The following TRIM2 variants were observed in gnomAD, a reference collection of about 807,000 sequenced individuals.
TRIM2 encodes tripartite motif-containing protein 2.
TRIM2 carries 20 observed loss-of-function variants against 75.2 expected under a neutral mutation model. The ratio of observed to expected loss-of-function variants is 0.27; its 90% CI spans 0.19 to 0.39. The LOEUF is 0.39. Among genes scored for constraint, TRIM2 ranks in the 10% least tolerant of loss-of-function variants. TRIM2 has a pLI of 1.00. For synonymous variants in TRIM2, 373 were observed against 388.3 expected (o/e 0.96, Z 0.46); for missense variants, 660 against 990.8 (o/e 0.67, Z 4.48).
At chr4:153,210,669 G>C (rs1267636010) in intron 1 of TRIM2, among the ~76,000 whole-genome samples, 1 of 152,126 alleles carries the variant, frequency 6.6e-6, no homozygotes, top group Non-Finnish European at 1.5e-5. Context: ...CATTTTTAAC[G>C]AAACAGCAGC....
At chr4:153,164,631 C>T (rs905114286) in intron 1 of TRIM2, among the ~76,000 whole-genome samples, 6 of 152,186 alleles carry the variant, frequency 3.9e-5, no homozygotes, top group Admixed American at 1.3e-4. Context: ...GGCAGGCAAC[C>T]AGTATTACCA....
chr4:153,251,789 G>A (rs532554200), intron 1 of TRIM2, among the ~76,000 whole-genome samples: 5 of 152,010 alleles, frequency 3.3e-5, no homozygotes, highest in African/African-American at 1.2e-4. Flanking sequence ...GACCAGCCTG[G>A]GCAGCATGGC....
intron 1 of TRIM2, among the ~76,000 whole-genome samples, chr4:153,224,821 G>A (rs1201412141): frequency 6.6e-6 from 1 of 152,200 alleles, no homozygotes; most frequent in African/African-American, 2.4e-5. Context: ...CAAATGGAAG[G>A]AAGTTGTTAT....
intron 7 of TRIM2, 37 bp downstream of exon 7, chr4:153,315,625 T>C (rs925569030): frequency 9.3e-6 from 14 of 1,508,266 alleles, no homozygotes; most frequent in Admixed American, 2.0e-5. Flanking sequence ...ACTACTTATA[T>C]TGATAAAAAT....
intron 1 of TRIM2, among the ~76,000 whole-genome samples, chr4:153,230,792 T>C (rs1743410879): frequency 6.6e-6 from 1 of 152,218 alleles, no homozygotes; most frequent in Non-Finnish European, 1.5e-5. Flanking sequence ...GTGGCACAAA[T>C]CTAGAAGAAC....
rs1560902840 is a variant in TRIM2 at position 153,260,696 on chromosome 4, C to CA, written c.31-9639_31-9638insA. On this transcript the variant is annotated intron_variant, in intron 1 of 11. Coordinates refer to ENST00000338700, the MANE Select transcript of TRIM2 (RefSeq NM_015271.5). ...CACACCCACCCACACACCCACCCCCCCCCCCACACACACACACACACACAC... is the reference window on the plus strand; with the variant it reads ...CACACCCACCCACACACCCACCCCCCACCCCCACACACACACACACACACAC... 6.5e-4 allele frequency among the ~76,000 whole-genome samples: 38 copies of CA among 58,074 alleles called. 5 individuals are homozygous for CA. Among genetic ancestry groups the CA allele is most frequent in the African/African-American group, 1.4e-3 (24 of 17,336 alleles). 38.1% of individuals were successfully genotyped at this position (58,074 alleles called of 152,430 possible).
intron 1 of TRIM2, among the ~76,000 whole-genome samples, chr4:153,221,599 A>G (rs995127803): frequency 6.6e-6 from 1 of 152,100 alleles, no homozygotes; most frequent in Non-Finnish European, 1.5e-5. Flanking sequence ...CAAAGAAGAT[A>G]AGGCCCTTGA....
intron 1 of TRIM2, among the ~76,000 whole-genome samples, chr4:153,168,028 T>C (rs971725450): frequency 2.6e-5 from 4 of 152,202 alleles, no homozygotes; most frequent in Non-Finnish European, 2.9e-5. Context: ...TAATTCTTGG[T>C]TTATTTGTGA....
intron 1 of TRIM2, among the ~76,000 whole-genome samples, chr4:153,190,856 G>A (rs2149658887): frequency 6.6e-6 from 1 of 152,158 alleles, no homozygotes; most frequent in Non-Finnish European, 1.5e-5. Flanking sequence ...TCCTGCCTCA[G>A]CACCCCGGGT....
chr4:153,205,257 G>T (rs909357294), intron 1 of TRIM2, among the ~76,000 whole-genome samples: 1 of 152,154 alleles, frequency 6.6e-6, no homozygotes, highest in African/African-American at 2.4e-5. Flanking sequence ...TGTGGGCTCA[G>T]CCAGCCACAC....
chr4:153,187,393 G>A (rs368135565), intron 1 of TRIM2, among the ~76,000 whole-genome samples: 1 of 152,188 alleles, frequency 6.6e-6, no homozygotes, highest in Non-Finnish European at 1.5e-5. Context: ...TGGAAAGGTT[G>A]TCAATGTGTC....
chr4:153,275,312 A>G (rs1233702155), intron 2 of TRIM2, among the ~76,000 whole-genome samples: 3 of 152,238 alleles, frequency 2.0e-5, no homozygotes, highest in African/African-American at 7.2e-5. Context: ...GACAAGGAGA[A>G]GAGATGGTGT....
intron 1 of TRIM2, among the ~76,000 whole-genome samples, chr4:153,220,487 C>G (rs1275658079): frequency 6.6e-6 from 1 of 151,930 alleles, no homozygotes; most frequent in Non-Finnish European, 1.5e-5. Flanking sequence ...GAAAGGACAG[C>G]CCGTAGAATA....
intron 1 of TRIM2, among the ~76,000 whole-genome samples, chr4:153,265,064 G>A (rs1438089078): frequency 6.6e-6 from 1 of 151,616 alleles, no homozygotes; most frequent in Non-Finnish European, 1.5e-5. Context: ...TTTGGCTTTA[G>A]AGCATAAAAT....
At position 153,295,363 on chromosome 4, in the gene TRIM2, G is replaced by A. The variant is rs375609689; in HGVS notation, c.837G>A (p.Lys279=). The part of the protein sequence containing the change: ...DTLLQGQESI[K]SCSNFTAQAL... Reference sequence around the variant, plus strand: ...TGCTCCAGGGGCAGGAGAGCATTAAGAGCTGCAGCAACTTCACAGCGCAGG... The same window carrying A: ...TGCTCCAGGGGCAGGAGAGCATTAAAAGCTGCAGCAACTTCACAGCGCAGG... Residue 279 remains lysine, a synonymous_variant, in exon 6 of 12, where the codon AAG becomes AAA. Coordinates refer to ENST00000338700, the MANE Select transcript of TRIM2 (RefSeq NM_015271.5). This position sits in a 1 kb window ranked among gnomAD's most constrained non-coding sequence, Gnocchi z 7.2. 25 of 1,613,278 alleles carry A rather than the reference G, an allele frequency of 1.5e-5. No homozygotes were observed. Among genetic ancestry groups the A allele is most frequent in the Non-Finnish European group, 1.8e-5 (21 of 1,179,654 alleles).
intron 11 of TRIM2, 58 bp downstream of exon 11, chr4:153,328,728 A>T: frequency 6.7e-7 from 1 of 1,482,084 alleles, no homozygotes; most frequent in African/African-American, 1.4e-5. Context: ...AAAAGTGAAG[A>T]ATTTGCTGTC....
chr4:153,317,634 A>G lies in TRIM2; in HGVS notation c.1782+1635A>G, dbSNP rs906657958. Among the ~76,000 whole-genome samples the G allele has an allele frequency of 3.1e-4, 46 of 148,578 alleles. 1 individual carries two copies. The highest frequency in any genetic ancestry group is 1.2e-3 in the African/African-American group (46 of 39,864). ...CACTGCACTCCAGCCTGGGCGACAA[A>G]GCAAGACTCTGTCTCAAAAAGAAAA... On this transcript the variant is annotated intron_variant, in intron 8 of 11. Coordinates refer to ENST00000338700, the MANE Select transcript of TRIM2 (RefSeq NM_015271.5).
At chr4:153,253,810 A>G (rs1751412906) in intron 1 of TRIM2, among the ~76,000 whole-genome samples, 3 of 152,132 alleles carry the variant, frequency 2.0e-5, no homozygotes. Context: ...AAGTTACCCT[A>G]TATGTTCGAG....
intron 3 of TRIM2, among the ~76,000 whole-genome samples, chr4:153,289,963 C>T (rs557218637): frequency 1.3e-5 from 2 of 152,332 alleles, no homozygotes; most frequent in South Asian, 4.1e-4. Flanking sequence ...GTACATGTGA[C>T]TGGCAGTGAC....
Sources: allele counts gnomAD v4.1 joint callset (sites outside exome capture counted in the v4.1 genomes callset), GRCh38; gene constraint gnomAD v4.1.1; non-coding constraint Gnocchi (gnomAD v3.1); transcripts MANE v1.5; gene names NCBI Gene and HGNC (gene_info 2026-07-23, HGNC 2026-07-21).